MYO16: variants seen among roughly 807,000 people sequenced by gnomAD.
MYO16 encodes unconventional myosin-XVI.
In MYO16, 94 loss-of-function variants were observed where a neutral mutation model predicts 205.3. That is an observed-to-expected ratio of 0.46 (90% CI 0.39 to 0.54). The LOEUF (loss-of-function observed/expected upper bound fraction) is 0.54. Ranked by LOEUF, MYO16 falls within the 20% of genes least tolerant of loss-of-function variation. The pLI is 0.00. For synonymous variants in MYO16, 988 were observed against 954.0 expected (o/e 1.04, Z -0.66); for missense variants, 2,315 against 2,387.5 (o/e 0.97, Z 0.63).
intron 16 of MYO16, among the ~76,000 whole-genome samples, chr13:108,918,954 CAAAAAAA>C: frequency 7.1e-6 from 1 of 139,906 alleles, no homozygotes; most frequent in Non-Finnish European, 1.5e-5. Context: ...GAAAACAGAA[CAAAAAAA>C]AAAAAAAAAA....
intron 16 of MYO16, among the ~76,000 whole-genome samples, chr13:108,931,966 G>C (rs1378695323): frequency 6.6e-6 from 1 of 151,854 alleles, no homozygotes; most frequent in Non-Finnish European, 1.5e-5. Flanking sequence ...TGTCCTTTCT[G>C]ATTCTCTCTG....
Position 108,957,811 on chromosome 13 carries a change from C to T in MYO16, c.2037+12C>T, listed in dbSNP as rs750759219. 5 of 1,580,010 alleles carry T rather than the reference C, an allele frequency of 3.2e-6. No homozygotes were observed. The highest frequency in any genetic ancestry group is 2.2e-5 in the East Asian group (1 of 44,626). The stretch of plus-strand genomic sequence containing the variant: ...GCTTCAGCAGCTTGGTGAGTCATGT[C>T]ATAAATATTTCACTGAGAAAATCAA... On this transcript the variant is annotated intron_variant, in intron 17 of 34. Coordinates refer to ENST00000457511, the MANE Select transcript of MYO16 (RefSeq NM_001198950.3).
chr13:109,079,478 G>A (rs1888216035), intron 27 of MYO16, among the ~76,000 whole-genome samples: 1 of 152,064 alleles, frequency 6.6e-6, no homozygotes. Flanking sequence ...CGTGGATGCA[G>A]CTGGAGGTCA....
chr13:108,657,653 G>A (rs1383660046), intron 1 of MYO16, among the ~76,000 whole-genome samples: 1 of 152,080 alleles, frequency 6.6e-6, no homozygotes, highest in African/African-American at 2.4e-5. Flanking sequence ...GTTTGAAAAT[G>A]TAGCTCTCTT....
intron 34 of MYO16, among the ~76,000 whole-genome samples, chr13:109,205,837 T>G (rs1275446906): frequency 6.6e-6 from 1 of 152,204 alleles, no homozygotes; most frequent in Non-Finnish European, 1.5e-5. Context: ...CAAAGGCCCA[T>G]AATGTTCCCA....
chr13:108,974,032 C>T (rs994182137), intron 20 of MYO16, among the ~76,000 whole-genome samples: 12 of 151,784 alleles, frequency 7.9e-5, no homozygotes, highest in African/African-American at 2.7e-4. Context: ...TGATCTTTAC[C>T]TTGATGCTCT....
At chr13:108,731,795 G>A (rs1316740423) in intron 4 of MYO16, among the ~76,000 whole-genome samples, 1 of 152,136 alleles carries the variant, frequency 6.6e-6, no homozygotes, top group East Asian at 1.9e-4. Context: ...GGAAATTACA[G>A]TTTGTTTATT....
At chr13:108,982,414 A>G (rs531563127) in intron 20 of MYO16, among the ~76,000 whole-genome samples, 12 of 152,316 alleles carry the variant, frequency 7.9e-5, no homozygotes, top group Admixed American at 2.0e-4. Flanking sequence ...AATAAAAAAT[A>G]AAAAAGGAGC....
At chr13:108,608,560 A>G (rs544561222) in intron 1 of MYO16, among the ~76,000 whole-genome samples, 1 of 152,162 alleles carries the variant, frequency 6.6e-6, no homozygotes, top group Non-Finnish European at 1.5e-5. Flanking sequence ...TATGTTAAAC[A>G]TAATAAATAC....
chr13:108,590,892 G>A, the MYO16 span, among the ~76,000 whole-genome samples: 19 of 152,196 alleles, frequency 1.2e-4, no homozygotes, highest in Admixed American at 2.0e-4. Flanking sequence ...AGTACTATGA[G>A]AGAATATATT....
chr13:109,136,345 G>A (rs1002965382), intron 31 of MYO16, among the ~76,000 whole-genome samples: 14 of 151,976 alleles, frequency 9.2e-5, no homozygotes, highest in Non-Finnish European at 1.9e-4. Flanking sequence ...TGCCCGCCTC[G>A]GCCTCCCAAA....
chr13:109,104,395 CTTCCCATT>C (rs1889061045), intron 28 of MYO16, among the ~76,000 whole-genome samples: 2 of 152,186 alleles, frequency 1.3e-5, no homozygotes, highest in Admixed American at 6.6e-5. Flanking sequence ...AAGCAGACTA[CTTCCCATT>C]ACAGGGTGAC....
At chr13:108,648,025 G>A (rs1352018125) in intron 1 of MYO16, among the ~76,000 whole-genome samples, 1 of 152,168 alleles carries the variant, frequency 6.6e-6, no homozygotes, top group Non-Finnish European at 1.5e-5. Context: ...GAAGTTTATG[G>A]TCTATAGGGC....
At chr13:108,619,263 A>G (rs1641393655) in intron 1 of MYO16, among the ~76,000 whole-genome samples, 1 of 152,186 alleles carries the variant, frequency 6.6e-6, no homozygotes, top group South Asian at 2.1e-4. Flanking sequence ...CTTAGATGTA[A>G]TTGCCAGTAT....
intron 16 of MYO16, among the ~76,000 whole-genome samples, chr13:108,940,644 G>GA (rs201178516): frequency 2.6e-5 from 4 of 152,160 alleles, no homozygotes; most frequent in South Asian, 4.1e-4. Flanking sequence ...GTAATATGGA[G>GA]AAAAATAGTC....
chr13:108,642,436 G>A (rs1282001817), intron 1 of MYO16, among the ~76,000 whole-genome samples: 1 of 152,056 alleles, frequency 6.6e-6, no homozygotes, highest in Non-Finnish European at 1.5e-5. Flanking sequence ...TGGTAACTTT[G>A]GGTGTTTTTG....
At chr13:109,128,774 T>TAG (rs908133137) in intron 31 of MYO16, among the ~76,000 whole-genome samples, 1 of 147,428 alleles carries the variant, frequency 6.8e-6, no homozygotes, top group Non-Finnish European at 1.5e-5. Flanking sequence ...TTTAGTTTTT[T>TAG]TTTTTTTTTT....
chr13:109,198,768 T>C (rs1161989440), intron 34 of MYO16, among the ~76,000 whole-genome samples: 1 of 152,194 alleles, frequency 6.6e-6, no homozygotes, highest in African/African-American at 2.4e-5. Flanking sequence ...ATGTGACTCA[T>C]ATAATCCACA....
chr13:108,534,080 T>C, the MYO16 span, among the ~76,000 whole-genome samples: 1 of 152,226 alleles, frequency 6.6e-6, no homozygotes, highest in South Asian at 2.1e-4. Flanking sequence ...ACGGTGCTTG[T>C]TCTGGTTCTA....
Sources: allele counts gnomAD v4.1 joint callset (sites outside exome capture counted in the v4.1 genomes callset), GRCh38; gene constraint gnomAD v4.1.1; transcripts MANE v1.5; gene names NCBI Gene and HGNC (gene_info 2026-07-23, HGNC 2026-07-21).